Variants in FRMD6 observed in about 807,000 individuals in gnomAD.
FRMD6 encodes FERM domain-containing protein 6.
FRMD6 carries 37 observed loss-of-function variants against 73.2 expected under a neutral mutation model. That is an observed-to-expected ratio of 0.51 (90% CI 0.39 to 0.66). The LOEUF is 0.66. Among genes scored for constraint, FRMD6 ranks in the 30% least tolerant of loss-of-function variants. FRMD6 has a pLI of 0.00. For missense variants in FRMD6, 714 were observed against 780.5 expected (o/e 0.91, Z 1.02); for synonymous variants, 273 against 282.2 (o/e 0.97, Z 0.33).
upstream of FRMD6, chr14:51,651,719 G>A (rs1003186398): frequency 1.4e-5 from 2 of 146,678 alleles, no homozygotes; most frequent in African/African-American, 5.0e-5. Flanking sequence ...GGGGCGGGCG[G>A]GCGCTCCCCG....
At chr14:51,546,697 A>G (rs1886492347) in intron 1 of FRMD6, 1 of 151,996 alleles carries the variant, frequency 6.6e-6, no homozygotes, top group African/African-American at 2.4e-5. Flanking sequence ...AATTGAATTC[A>G]TGTTGATGGC....
At chr14:51,534,203 A>G (rs10136902) in intron 1 of FRMD6, among the ~76,000 whole-genome samples, 56,650 of 152,070 alleles carry the variant, frequency 0.37, 11,511 homozygotes, top group African/African-American at 0.55. Flanking sequence ...TCTAAAGTCT[A>G]CTAACTGGTT....
intron 5 of FRMD6, 93 bp from the exon 6 acceptor site, chr14:51,704,656 T>C: frequency 9.8e-7 from 1 of 1,023,898 alleles, no homozygotes; most frequent in Non-Finnish European, 1.4e-6. Context: ...GAAGGGTTCC[T>C]GTCACCAGAT....
At position 51,549,595 on chromosome 14, in the gene FRMD6, C is replaced by CTTTTTTTTTTT. The variant is rs35356416; in HGVS notation, c.-209-20743_-209-20733dup. Among the ~76,000 whole-genome samples the CTTTTTTTTTTT allele has an allele frequency of 1.7e-3, 162 of 98,010 alleles. 8 individuals are homozygous for CTTTTTTTTTTT. The highest frequency in any genetic ancestry group is 6.1e-3 in the African/African-American group (148 of 24,434). 64.3% of individuals were successfully genotyped at this position (98,010 alleles called of 152,430 possible). ...TGGAGTATAAACTTTTTTTTTCTTT[C>CTTTTTTTTTTT]TTTTTTTTTTTTTTTTTTTTGAGAC... On this transcript the variant is annotated intron_variant, in intron 1 of 14. Transcript: ENST00000356218.
intron 2 of FRMD6, among the ~76,000 whole-genome samples, chr14:51,599,311 C>A (rs937973986): frequency 2.6e-5 from 4 of 151,824 alleles, no homozygotes; most frequent in African/African-American, 9.7e-5. Flanking sequence ...GAAACTGATC[C>A]CCTCCCTTTC....
intron 2 of FRMD6, 122 bp downstream of exon 2, chr14:51,690,057 T>A: frequency 1.4e-6 from 1 of 727,118 alleles, no homozygotes; most frequent in East Asian, 2.7e-5. Context: ...TGTGGCAGAA[T>A]TGGGTTGTCA....
chr14:51,642,977 G>A (rs943447852), intron 2 of FRMD6, among the ~76,000 whole-genome samples: 18 of 152,188 alleles, frequency 1.2e-4, no homozygotes, highest in African/African-American at 3.9e-4. Flanking sequence ...AGAAAGATAC[G>A]GAAAAATCTG....
At chr14:51,457,361 A>C in the FRMD6 span, among the ~76,000 whole-genome samples, 2 of 152,186 alleles carry the variant, frequency 1.3e-5, no homozygotes, top group African/African-American at 2.4e-5. Flanking sequence ...AGAAAAAAAA[A>C]CAACAAAACA....
chr14:51,494,104 AC>A (rs1398012432), intron 1 of FRMD6, among the ~76,000 whole-genome samples: 1 of 150,406 alleles, frequency 6.6e-6, no homozygotes, highest in Non-Finnish European at 1.5e-5. Context: ...AAACATGCAG[AC>A]AATATCATTC....
intron 2 of FRMD6, among the ~76,000 whole-genome samples, chr14:51,617,610 A>G (rs1890765018): frequency 6.6e-6 from 1 of 152,148 alleles, no homozygotes; most frequent in Admixed American, 6.5e-5. Context: ...CCTTATCTGT[A>G]AGAAAAGGAT....
chr14:51,551,581 G>A (rs978525468), intron 1 of FRMD6, among the ~76,000 whole-genome samples: 5 of 151,876 alleles, frequency 3.3e-5, no homozygotes, highest in Admixed American at 2.6e-4. Flanking sequence ...CAAAAAATAC[G>A]AAAAATTTAT....
intron 1 of FRMD6, among the ~76,000 whole-genome samples, chr14:51,516,331 TC>T (rs1313579779): frequency 6.6e-6 from 1 of 152,202 alleles, no homozygotes; most frequent in Non-Finnish European, 1.5e-5. Flanking sequence ...GGCGGGTCCA[TC>T]CGATTAGAGA....
the FRMD6 span, among the ~76,000 whole-genome samples, chr14:51,446,342 G>A: frequency 6.6e-6 from 1 of 152,002 alleles, no homozygotes; most frequent in African/African-American, 2.4e-5. Context: ...GTAGAGATAA[G>A]CTTGAAGATT....
At chr14:51,488,873 C>G (rs1273742936), upstream of FRMD6, among the ~76,000 whole-genome samples, 1 of 152,210 alleles carries the variant, frequency 6.6e-6, no homozygotes, top group African/African-American at 2.4e-5. Context: ...ACACCGGCCT[C>G]TGCTTTTTTT....
At chr14:51,583,930 G>A (rs983101820) in intron 2 of FRMD6, among the ~76,000 whole-genome samples, 10 of 152,112 alleles carry the variant, frequency 6.6e-5, no homozygotes, top group African/African-American at 2.4e-4. Flanking sequence ...ATGATAGGAG[G>A]AATAGCCATC....
intron 2 of FRMD6, among the ~76,000 whole-genome samples, chr14:51,574,706 T>C (rs1482841021): frequency 6.6e-6 from 1 of 152,144 alleles, no homozygotes; most frequent in Non-Finnish European, 1.5e-5. Context: ...GTGGGAATGG[T>C]TAATGGGTAC....
chr14:51,728,148 TATA>T lies in FRMD6; in HGVS notation c.*123_*125del. 1.1e-6 allele frequency: 1 copy of T among 918,250 alleles called. No homozygotes were observed. Among genetic ancestry groups the T allele is most frequent in the South Asian group, 1.9e-5 (1 of 54,016 alleles). 56.9% of individuals were successfully genotyped at this position (918,250 alleles called of 1,614,324 possible). On this transcript the variant is annotated 3_prime_UTR_variant, in exon 14 of 14. Transcript: ENST00000344768. ...TTCACCCTAAACATAGCTCTTTCTT[TATA>T]ATATTTGTGATGATGGAAACAAAAG...
chr14:51,574,690 G>T (rs768445826), intron 2 of FRMD6, among the ~76,000 whole-genome samples: 41 of 152,270 alleles, frequency 2.7e-4, no homozygotes, highest in Non-Finnish European at 1.2e-4. Context: ...GGGTGGGGTG[G>T]GGGAAGTGGG....
At chr14:51,572,570 A>T (rs1474268416) in intron 2 of FRMD6, among the ~76,000 whole-genome samples, 1 of 152,210 alleles carries the variant, frequency 6.6e-6, no homozygotes, top group Non-Finnish European at 1.5e-5. Flanking sequence ...TATGTAAAAC[A>T]TTAGGATTAA....
Sources: gnomAD v4.1 joint callset for allele counts (sites outside exome capture counted in the v4.1 genomes callset) on GRCh38, gnomAD v4.1.1 for gene constraint, MANE v1.5 for transcripts, NCBI Gene and HGNC (gene_info 2026-07-23, HGNC 2026-07-21) for gene names.